TDRD1: variants seen among roughly 807,000 people sequenced by gnomAD.
TDRD1 encodes the protein tudor domain containing 1.
In TDRD1, 37 loss-of-function variants were observed where a neutral mutation model predicts 140.6. The ratio of observed to expected loss-of-function variants is 0.26; its 90% CI spans 0.20 to 0.35. TDRD1 has a LOEUF of 0.35. Ranked by LOEUF, TDRD1 falls within the 10% of genes least tolerant of loss-of-function variation. The probability of loss-of-function intolerance (pLI) is 1.00; values close to 1 mark genes in which losing one functional copy is unlikely to be tolerated. For missense variants in TDRD1, 1,243 were observed against 1,393.0 expected (o/e 0.89, Z 1.71); for synonymous variants, 506 against 475.7 (o/e 1.06, Z -0.83).
upstream of TDRD1, among the ~76,000 whole-genome samples, chr10:114,177,066 T>G (rs1156403603): frequency 6.6e-6 from 1 of 152,132 alleles, no homozygotes; most frequent in Non-Finnish European, 1.5e-5. Context: ...ACAGTAGTTT[T>G]GGATTAGAAA....
chr10:114,180,959 C>G (rs547267886), intron 1 of TDRD1, among the ~76,000 whole-genome samples: 20 of 152,288 alleles, frequency 1.3e-4, no homozygotes, highest in African/African-American at 3.6e-4. Flanking sequence ...CATAGTGTAT[C>G]TTAGGAAGCC....
chr10:114,225,231 C>T (rs1428481569), intron 21 of TDRD1, among the ~76,000 whole-genome samples: 1 of 152,254 alleles, frequency 6.6e-6, no homozygotes, highest in Non-Finnish European at 1.5e-5. Flanking sequence ...TCACCATTCT[C>T]TTTAGCAACT....
chr10:114,203,018 T>C (rs2034862534), intron 6 of TDRD1, 54 bp from the exon 7 acceptor site: 1 of 1,181,132 alleles, frequency 8.5e-7, no homozygotes, highest in Admixed American at 1.7e-5. Context: ...GGCCATAGAA[T>C]CATTGAAACA....
chr10:114,188,260 AC>A (rs2033690354), intron 2 of TDRD1, 104 bp downstream of exon 2: 2 of 957,222 alleles, frequency 2.1e-6, no homozygotes, highest in Non-Finnish European at 1.5e-6. Flanking sequence ...CAGAACAGGC[AC>A]ATGACTACCT....
At chr10:114,219,663 C>A (rs1218323512) in intron 18 of TDRD1, among the ~76,000 whole-genome samples, 2 of 150,764 alleles carry the variant, frequency 1.3e-5, no homozygotes, top group Non-Finnish European at 2.9e-5. Flanking sequence ...TCTCGGCTCA[C>A]TGCAACCTCT....
Position 114,222,571 on chromosome 10 carries a change from C to T in TDRD1, c.2891-16C>T, listed in dbSNP as rs763361780. On this transcript the variant is annotated splice_polypyrimidine_tract_variant and intron_variant, in intron 20 of 25. Transcript: ENST00000251864. ...TGGAAATTTTCTTCACAAAAGATTGCTTTTATATATTTTAGAAAATCAGGA... is the reference window on the plus strand; with the variant it reads ...TGGAAATTTTCTTCACAAAAGATTGTTTTTATATATTTTAGAAAATCAGGA... 6.5e-7 allele frequency: 1 copy of T among 1,532,868 alleles called. No individual in the cohort carries two copies. Among genetic ancestry groups the T allele is most frequent in the Middle Eastern group, 1.7e-4 (1 of 5,876 alleles). The allele number at this position is 1,532,868 out of a possible 1,614,324, so 95.0% of individuals were successfully genotyped here.
rs1012900203 is a variant in TDRD1 at position 114,227,965 on chromosome 10, A to C, written c.3450+9A>C. The C allele has an allele frequency of 1.9e-6, 3 of 1,613,598 alleles. No individual in the cohort carries two copies. Among genetic ancestry groups the C allele is most frequent in the Non-Finnish European group, 1.7e-6 (2 of 1,179,642 alleles). Reference sequence around the variant, plus strand: ...CAGAGTTACAGAAACAAGTAGGTAAAATTTCCTTTAAGTGAAATTATACTC... The same window carrying C: ...CAGAGTTACAGAAACAAGTAGGTAACATTTCCTTTAAGTGAAATTATACTC... On this transcript the variant is annotated intron_variant, in intron 24 of 25. Transcript: ENST00000251864.
chr10:114,188,202 C>G, intron 2 of TDRD1, 46 bp downstream of exon 2: 1 of 1,506,246 alleles, frequency 6.6e-7, no homozygotes. Flanking sequence ...CTCATGGTTT[C>G]TGTGACTTAC....
intron 14 of TDRD1, among the ~76,000 whole-genome samples, 179 bp downstream of exon 14, chr10:114,212,215 T>TCCA (rs2035530817): frequency 6.6e-6 from 1 of 152,220 alleles, no homozygotes; most frequent in African/African-American, 2.4e-5. Context: ...TGTCAATTAG[T>TCCA]TGGCTTCATT....
intron 4 of TDRD1, among the ~76,000 whole-genome samples, chr10:114,200,250 T>C (rs983423899): frequency 3.3e-5 from 5 of 152,254 alleles, no homozygotes; most frequent in African/African-American, 1.2e-4. Flanking sequence ...GCTCTCGTGA[T>C]CAATGATCTT....
At chr10:114,206,252 T>G in exon 11 of TDRD1, 13 of 1,613,128 alleles carry the variant, frequency 8.1e-6, no homozygotes, top group Non-Finnish European at 1.1e-5. Context: ...AGGAAAACTT[T>G]TAGACCATGT....
At chr10:114,204,613 G>T in intron 9 of TDRD1, 109 bp from the exon 10 acceptor site, 6 of 1,138,646 alleles carry the variant, frequency 5.3e-6, no homozygotes, top group South Asian at 3.4e-5. Flanking sequence ...AGTACTTGAA[G>T]ATTTGTGATA....
intron 3 of TDRD1, among the ~76,000 whole-genome samples, chr10:114,195,402 T>TC (rs1297638022): frequency 6.6e-6 from 1 of 152,218 alleles, no homozygotes; most frequent in Non-Finnish European, 1.5e-5. Flanking sequence ...TTATATCTAG[T>TC]CATGTCAATT....
At chr10:114,210,150 T>C (rs1490547466) in intron 11 of TDRD1, among the ~76,000 whole-genome samples, 1 of 152,246 alleles carries the variant, frequency 6.6e-6, no homozygotes, top group African/African-American at 2.4e-5. Context: ...TTTAAATTTC[T>C]AATTATTTTA....
chr10:114,192,783 T>A (rs2034078609), intron 3 of TDRD1, among the ~76,000 whole-genome samples: 3 of 152,222 alleles, frequency 2.0e-5, no homozygotes, highest in Admixed American at 2.0e-4. Context: ...TAGTCTAAGT[T>A]ACTTATTTTC....
chr10:114,181,689 A>C (rs1026080859), intron 1 of TDRD1, among the ~76,000 whole-genome samples: 1 of 152,094 alleles, frequency 6.6e-6, no homozygotes, highest in African/African-American at 2.4e-5. Flanking sequence ...TACTAAAAAT[A>C]CAAAAATTAG....
chr10:114,189,291 T>G (rs2033788232), intron 2 of TDRD1, among the ~76,000 whole-genome samples: 1 of 152,194 alleles, frequency 6.6e-6, no homozygotes, highest in Non-Finnish European at 1.5e-5. Context: ...TTTTACCTTC[T>G]GAAGTAGGAA....
chr10:114,226,741 C>G (rs954962677), intron 22 of TDRD1, among the ~76,000 whole-genome samples: 1 of 152,178 alleles, frequency 6.6e-6, no homozygotes, highest in African/African-American at 2.4e-5. Flanking sequence ...AGAGGACTTG[C>G]AGATAATACC....
At chr10:114,214,185 G>T in intron 16 of TDRD1, 71 bp downstream of exon 16, 1 of 1,349,146 alleles carries the variant, frequency 7.4e-7, no homozygotes, top group Non-Finnish European at 1.0e-6. Context: ...ACATGAGTTT[G>T]TTACTAAGTG....
Sources: allele counts gnomAD v4.1 joint callset (sites outside exome capture counted in the v4.1 genomes callset), GRCh38; gene constraint gnomAD v4.1.1; transcripts MANE v1.5; gene names NCBI Gene and HGNC (gene_info 2026-07-23, HGNC 2026-07-21).